PPP3CB: variants seen among roughly 807,000 people sequenced by gnomAD.
PPP3CB encodes the protein serine/threonine-protein phosphatase 2B catalytic subunit beta isoform.
In PPP3CB, 8 loss-of-function variants were observed where a neutral mutation model predicts 66.4. The observed-to-expected ratio is 0.12, with a 90% confidence interval of 0.07 to 0.22. The LOEUF (loss-of-function observed/expected upper bound fraction) is 0.22. PPP3CB is among the 10% of genes least tolerant of loss of function. The pLI, the probability that PPP3CB is intolerant of heterozygous loss-of-function variation, is 1.00. For missense variants in PPP3CB, 319 were observed against 642.5 expected, an observed-to-expected ratio of 0.50 and a Z score of 5.44; for synonymous variants, 208 against 221.2, an observed-to-expected ratio of 0.94 and a Z score of 0.53.
rs758464886 is a variant in PPP3CB, at chr10:73,444,743, G to A, written c.1348C>T (p.Arg450Trp). The A allele has an allele frequency of 1.9e-6, 3 of 1,613,948 alleles. No individual in the cohort carries two copies. The highest frequency in any genetic ancestry group is 1.3e-5 in the African/African-American group (1 of 74,920). Residue 450 changes from arginine (R) to tryptophan (W), a missense_variant, in exon 12 of 14, where the codon CGG (arginine) becomes TGG (tryptophan). Around this residue, in one of 5 missense-constraint regions of PPP3CB, gnomAD observed 120 missense variants for 331.2 expected, o/e 0.36. Coordinates refer to ENST00000360663, the MANE Select transcript of PPP3CB (RefSeq NM_021132.4). ...TCATTACCACTTTGCAGGGTCTGCC[G>A]TCCTCCAGCTAACACTCCACTAGGC... The part of the protein sequence containing the change: ...MLPSGVLAGG[R>W]QTLQSATVEA...
At chr10:73,477,312 T>A in intron 3 of PPP3CB, 1 of 492,146 alleles carries the variant, frequency 2.0e-6, no homozygotes, top group African/African-American at 2.0e-5. Context: ...ATCAGGCAAG[T>A]ATGTAAAGAT....
chr10:73,446,394 C>A, intron 11 of PPP3CB, 98 bp downstream of exon 11: 2 of 1,146,352 alleles, frequency 1.7e-6, no homozygotes, highest in East Asian at 2.4e-5. Context: ...GCCACCATAC[C>A]CGGCCCCATT....
At chr10:73,483,881 T>C (rs750558329) in intron 1 of PPP3CB, among the ~76,000 whole-genome samples, 3 of 151,864 alleles carry the variant, frequency 2.0e-5, no homozygotes, top group Admixed American at 6.6e-5. Flanking sequence ...CGGTGGTTCA[T>C]GTCTGCAGTC....
intron 13 of PPP3CB, 47 bp downstream of exon 13, chr10:73,439,825 A>G (rs769173526): frequency 6.3e-7 from 1 of 1,588,294 alleles, no homozygotes; most frequent in African/African-American, 1.3e-5. Flanking sequence ...TCTGATGCCC[A>G]CCCACACACC....
chr10:73,446,027 G>A (rs1198690181), intron 11 of PPP3CB, among the ~76,000 whole-genome samples: 6 of 151,988 alleles, frequency 3.9e-5, no homozygotes, highest in African/African-American at 1.2e-4. Flanking sequence ...GATTACAGGC[G>A]TGAGCCACCA....
intron 10 of PPP3CB, 47 bp downstream of exon 10, chr10:73,454,365 A>G: frequency 1.4e-6 from 2 of 1,455,058 alleles, no homozygotes; most frequent in South Asian, 2.4e-5. Flanking sequence ...CAGTAAAGAA[A>G]TACCATTTCA....
intron 9 of PPP3CB, among the ~76,000 whole-genome samples, chr10:73,461,273 C>G (rs1164870235): frequency 6.6e-6 from 1 of 152,042 alleles, no homozygotes; most frequent in Non-Finnish European, 1.5e-5. Context: ...ATAGTGAAAC[C>G]CTGTCTCTAC....
intron 12 of PPP3CB, among the ~76,000 whole-genome samples, chr10:73,442,425 T>C (rs2056164019): frequency 6.6e-6 from 1 of 152,214 alleles, no homozygotes; most frequent in Non-Finnish European, 1.5e-5. Flanking sequence ...GGATACAATA[T>C]AAAAGTAATG....
At chr10:73,474,040 T>C (rs2056745398) in intron 4 of PPP3CB, among the ~76,000 whole-genome samples, 1 of 152,030 alleles carries the variant, frequency 6.6e-6, no homozygotes, top group Non-Finnish European at 1.5e-5. Flanking sequence ...TTAGAAAAAA[T>C]ATATACATTT....
At position 73,495,866 on chromosome 10, in the gene PPP3CB, C is replaced by G. The variant is rs2057214925; in HGVS notation, c.24G>C (p.Arg8=). The change falls in exon 1 of 14, where the codon CGG becomes CGC. Residue 8 remains arginine, a synonymous_variant. Coordinates refer to ENST00000360663, the MANE Select transcript of PPP3CB (RefSeq NM_021132.4). MAAPEPA[R]AAPPPPPPPP... ...GGGGCGGGGGTGGGGGCGGTGCAGC[C>G]CGGGCCGGCTCCGGGGCGGCCATGC... 1 of 1,379,218 alleles carries G rather than the reference C, an allele frequency of 7.3e-7. No homozygotes were observed. Among genetic ancestry groups the G allele is most frequent in the East Asian group, 3.3e-5 (1 of 30,578 alleles). 85.4% of individuals were successfully genotyped at this position (1,379,218 alleles called of 1,614,324 possible).
At chr10:73,469,027 C>G (rs1198993700) in intron 8 of PPP3CB, among the ~76,000 whole-genome samples, 1 of 152,144 alleles carries the variant, frequency 6.6e-6, no homozygotes, top group African/African-American at 2.4e-5. Flanking sequence ...AAAGAGACAT[C>G]TGATTTTTGA....
chr10:73,495,960 A>C lies in PPP3CB; in HGVS notation c.-71T>G, dbSNP rs1031541066. 17 of 974,194 alleles carry C rather than the reference A, an allele frequency of 1.7e-5. No individual in the cohort carries two copies. The Admixed American group carries it at 1.9e-4, about 11-fold the overall frequency. The allele number at this position is 974,194 out of a possible 1,614,324, so 60.3% of individuals were successfully genotyped here. ...GGCGGGGGCGGCGGCTACCAGAGCCAAGCGGCGGCGCCGCCGGGGAACATG... is the reference window on the plus strand; with the variant it reads ...GGCGGGGGCGGCGGCTACCAGAGCCCAGCGGCGGCGCCGCCGGGGAACATG... On this transcript the variant is annotated 5_prime_UTR_variant, in exon 1 of 14. Coordinates refer to ENST00000360663, the MANE Select transcript of PPP3CB (RefSeq NM_021132.4).
At chr10:73,447,249 A>G (rs561919364) in intron 10 of PPP3CB, among the ~76,000 whole-genome samples, 4 of 152,344 alleles carry the variant, frequency 2.6e-5, no homozygotes, top group Non-Finnish European at 5.9e-5. Context: ...GACATAAGCA[A>G]CAAGAAAAAC....
At chr10:73,460,265 C>CAAAAAAAAAAAAAAA (rs11447229) in intron 9 of PPP3CB, among the ~76,000 whole-genome samples, 15 of 35,726 alleles carry the variant, frequency 4.2e-4, no homozygotes, top group East Asian at 9.2e-4. Flanking sequence ...AAAGTAATAG[C>CAAAAAAAAAAAAAAA]AAAAAAAAAA....
chr10:73,458,691 T>C (rs1464613287), intron 9 of PPP3CB, among the ~76,000 whole-genome samples: 1 of 150,524 alleles, frequency 6.6e-6, no homozygotes, highest in Non-Finnish European at 1.5e-5. Context: ...GTAAAGTATA[T>C]GTTTATATAT....
intron 9 of PPP3CB, among the ~76,000 whole-genome samples, chr10:73,463,628 T>C (rs1251634988): frequency 6.6e-6 from 1 of 152,190 alleles, no homozygotes; most frequent in Non-Finnish European, 1.5e-5. Context: ...GCTACTTTAA[T>C]CCCTCTGACA....
intron 12 of PPP3CB, 90 bp downstream of exon 12, chr10:73,444,635 A>G (rs1180865182): frequency 6.3e-7 from 1 of 1,577,464 alleles, no homozygotes; most frequent in South Asian, 1.2e-5. Context: ...AACAGAAGGA[A>G]TTCCCTGCAT....
At position 73,467,537 on chromosome 10, in the gene PPP3CB, A is replaced by C; in HGVS notation, c.1108+16T>G. The C allele has an allele frequency of 6.7e-7, 1 of 1,482,848 alleles. No individual in the cohort carries two copies. 91.9% of individuals were successfully genotyped at this position (1,482,848 alleles called of 1,614,324 possible). On this transcript the variant is annotated intron_variant, in intron 9 of 13. Transcript: ENST00000360663. ...ACAGTAATAAAACAAATTTTTTTTA[A>C]AAATAAAAATTATACCTTTTTCTCC...
chr10:73,470,393 G>T (rs1257297164), intron 8 of PPP3CB, among the ~76,000 whole-genome samples: 1 of 152,170 alleles, frequency 6.6e-6, no homozygotes, highest in Non-Finnish European at 1.5e-5. Flanking sequence ...TAAGGGAAAA[G>T]ATTTAAGAAA....
Sources: allele counts gnomAD v4.1 joint callset (sites outside exome capture counted in the v4.1 genomes callset), GRCh38; gene constraint gnomAD v4.1.1; regional missense constraint gnomAD v4.1.1; transcripts MANE v1.5; gene names NCBI Gene and HGNC (gene_info 2026-07-23, HGNC 2026-07-21).